Variants in CFAP299 observed in about 807,000 individuals in gnomAD.
The protein encoded by CFAP299 is cilia- and flagella-associated protein 299.
CFAP299 carries 21 observed loss-of-function variants against 27.0 expected under a neutral mutation model. That is an observed-to-expected ratio of 0.78 (90% CI 0.55 to 1.12). The LOEUF is 1.12. Among genes scored for constraint, CFAP299 ranks in the 50% most tolerant of loss-of-function variants. CFAP299 has a pLI of 0.00. For missense variants in CFAP299, 310 were observed against 276.6 expected, an observed-to-expected ratio of 1.12 and a Z score of -0.86; for synonymous variants, 104 against 98.1, an observed-to-expected ratio of 1.06 and a Z score of -0.36.
At chr4:80,873,158 G>A (rs1225991753) in intron 4 of CFAP299, 1 of 294,976 alleles carries the variant, frequency 3.4e-6, no homozygotes, top group Non-Finnish European at 5.0e-6. Context: ...TGTTATTAGG[G>A]GAAAAAGTCC....
chr4:80,792,164 A>C lies in CFAP299; in HGVS notation c.334-77829A>C, dbSNP rs182590813. 2.5e-3 allele frequency among the ~76,000 whole-genome samples: 385 copies of C among 152,216 alleles called. 1 individual carries two copies. The highest frequency in any genetic ancestry group is 8.8e-3 in the African/African-American group (364 of 41,562). ...TATTAAAATAAAAAGTTAAAATAAA[A>C]TGTAATTAAAAATTTAGCTCCTTGG... On this transcript the variant is annotated intron_variant, in intron 3 of 5. Transcript: ENST00000358105.
chr4:80,418,792 G>A (rs1727146594), intron 2 of CFAP299, among the ~76,000 whole-genome samples: 1 of 152,138 alleles, frequency 6.6e-6, no homozygotes, highest in Non-Finnish European at 1.5e-5. Context: ...AATGCTCTCC[G>A]TTTACATCAG....
At chr4:80,488,214 G>A (rs1730924230) in intron 2 of CFAP299, among the ~76,000 whole-genome samples, 1 of 152,160 alleles carries the variant, frequency 6.6e-6, no homozygotes, top group African/African-American at 2.4e-5. Context: ...AAACACTACA[G>A]CCCCCCACTG....
chr4:80,335,840 G>A lies in CFAP299; in HGVS notation c.72G>A (p.Leu24=), dbSNP rs760284893. 5.6e-6 allele frequency: 9 copies of A among 1,613,502 alleles called. No individual in the cohort carries two copies. The highest frequency in any genetic ancestry group is 1.7e-5 in the Admixed American group (1 of 60,004). Reference sequence around the variant, plus strand: ...AATTCAACGCCTATGAAGATTTCCTGGACTCGCAGATCACTACTGTGGACT... The same window carrying A: ...AATTCAACGCCTATGAAGATTTCCTAGACTCGCAGATCACTACTGTGGACT... ...VTQFNAYEDF[L]DSQITTVDLY... The change falls in exon 1 of 6, where the codon CTG becomes CTA. Residue 24 remains leucine (L), a synonymous_variant. Coordinates refer to ENST00000358105, the MANE Select transcript of CFAP299 (RefSeq NM_152770.3).
chr4:80,348,954 CA>C (rs1376267364), intron 1 of CFAP299, among the ~76,000 whole-genome samples: 1 of 152,172 alleles, frequency 6.6e-6, no homozygotes, highest in Non-Finnish European at 1.5e-5. Flanking sequence ...TGACCTTACA[CA>C]ACATGAGAGC....
At chr4:80,425,812 C>A (rs1020622755) in intron 2 of CFAP299, among the ~76,000 whole-genome samples, 1 of 152,136 alleles carries the variant, frequency 6.6e-6, no homozygotes. Flanking sequence ...CCAATTAAGC[C>A]ACCGAACAGC....
At chr4:80,790,235 A>T (rs1189270016) in intron 3 of CFAP299, 1 of 152,074 alleles carries the variant, frequency 6.6e-6, no homozygotes, top group African/African-American at 2.4e-5. Context: ...TGGCAAAATT[A>T]TGTGCAGTTT....
chr4:80,467,631 A>G (rs1278546311), intron 2 of CFAP299, among the ~76,000 whole-genome samples: 1 of 152,242 alleles, frequency 6.6e-6, no homozygotes, highest in African/African-American at 2.4e-5. Context: ...CTCTTCAAGT[A>G]TGGAATATGT....
intron 2 of CFAP299, among the ~76,000 whole-genome samples, chr4:80,418,343 T>C (rs1247447765): frequency 1.3e-5 from 2 of 151,738 alleles, no homozygotes; most frequent in Non-Finnish European, 2.9e-5. Flanking sequence ...AAAGAATTTC[T>C]TTTTTTAAAA....
chr4:80,337,477 A>C lies in CFAP299; in HGVS notation c.111+1598A>C, dbSNP rs559138686. ...CAGTGGCCCCATCTCGGCTCACTGC[A>C]ACCTCCGCTCCCCAGGTTCAAGTGA... On this transcript the variant is annotated intron_variant, in intron 1 of 5. Transcript: ENST00000358105. Among the ~76,000 whole-genome samples, 14 of 151,494 alleles carry C rather than the reference A, an allele frequency of 9.2e-5. No homozygotes were observed. The South Asian group carries it at 2.9e-3, about 32-fold the overall frequency.
intron 2 of CFAP299, among the ~76,000 whole-genome samples, chr4:80,485,033 G>A (rs1353920749): frequency 6.6e-6 from 1 of 152,034 alleles, no homozygotes; most frequent in Non-Finnish European, 1.5e-5. Context: ...TTAAGAGAAA[G>A]AAACTTTATA....
chr4:80,393,527 A>AT (rs527820273), intron 2 of CFAP299, among the ~76,000 whole-genome samples: 132 of 152,224 alleles, frequency 8.7e-4, no homozygotes, highest in Middle Eastern at 3.4e-3. Context: ...ATAATTTTTC[A>AT]TTTTTTATGC....
chr4:80,775,164 C>G (rs116548328), intron 3 of CFAP299, among the ~76,000 whole-genome samples: 1 of 150,730 alleles, frequency 6.6e-6, no homozygotes, highest in African/African-American at 2.4e-5. Context: ...AGACATAAAC[C>G]TATATATAAA....
chr4:80,892,259 A>C (rs1392480537), intron 4 of CFAP299, among the ~76,000 whole-genome samples: 2 of 152,180 alleles, frequency 1.3e-5, no homozygotes, highest in African/African-American at 2.4e-5. Flanking sequence ...CACCAGGGAA[A>C]AGGCAGTCTG....
chr4:80,382,659 G>C (rs1724763959), intron 2 of CFAP299, among the ~76,000 whole-genome samples: 1 of 152,040 alleles, frequency 6.6e-6, no homozygotes, highest in African/African-American at 2.4e-5. Context: ...AGTCAGAATG[G>C]CTATTACTAA....
intron 3 of CFAP299, among the ~76,000 whole-genome samples, chr4:80,692,627 T>C (rs1161144707): frequency 6.6e-6 from 1 of 152,182 alleles, no homozygotes; most frequent in Non-Finnish European, 1.5e-5. Context: ...ATTCAGGACA[T>C]AGGCATGGGC....
At chr4:80,740,978 C>A (rs77056097) in intron 3 of CFAP299, among the ~76,000 whole-genome samples, 2,415 of 152,278 alleles carry the variant, frequency 0.016, 38 homozygotes, top group African/African-American at 0.042. Context: ...CAAAAGTGCT[C>A]TCCAAGAGCC....
chr4:80,541,939 A>G (rs1317713404), intron 2 of CFAP299, among the ~76,000 whole-genome samples: 1 of 152,022 alleles, frequency 6.6e-6, no homozygotes, highest in Non-Finnish European at 1.5e-5. Flanking sequence ...CATTAGGTAT[A>G]TCTCCCAATG....
At chr4:80,642,205 A>G (rs1739762076) in intron 3 of CFAP299, among the ~76,000 whole-genome samples, 1 of 152,212 alleles carries the variant, frequency 6.6e-6, no homozygotes, top group African/African-American at 2.4e-5. Flanking sequence ...GGAAGGATAC[A>G]GGCAAAGGCA....
Sources: allele counts gnomAD v4.1 joint callset (sites outside exome capture counted in the v4.1 genomes callset), GRCh38; gene constraint gnomAD v4.1.1; transcripts MANE v1.5; gene names NCBI Gene and HGNC (gene_info 2026-07-23, HGNC 2026-07-21).